The following NEK7 variants were observed in gnomAD, a reference collection of about 807,000 sequenced individuals.
The protein encoded by NEK7 is NIMA related kinase 7.
NEK7 carries 18 observed loss-of-function variants against 44.6 expected under a neutral mutation model. That is an observed-to-expected ratio of 0.40 (90% CI 0.28 to 0.60). The LOEUF is 0.60. NEK7 is among the 20% of genes least tolerant of loss of function. The pLI, the probability that NEK7 is intolerant of heterozygous loss-of-function variation, is 0.38. For missense variants in NEK7, 256 were observed against 366.5 expected (o/e 0.70, Z 2.46); for synonymous variants, 130 against 121.1 (o/e 1.07, Z -0.48).
At chr1:198,210,319 C>A (rs1367049805) in intron 1 of NEK7, among the ~76,000 whole-genome samples, 6 of 152,116 alleles carry the variant, frequency 3.9e-5, no homozygotes, top group Non-Finnish European at 7.4e-5. Context: ...CTCCTGGCCC[C>A]CCAAGTTTTC....
chr1:198,250,947 C>G (rs1172934723), intron 2 of NEK7, among the ~76,000 whole-genome samples: 1 of 152,138 alleles, frequency 6.6e-6, no homozygotes, highest in African/African-American at 2.4e-5. Context: ...GTGGGCATCC[C>G]TGTCTTGTGC....
intron 1 of NEK7, among the ~76,000 whole-genome samples, chr1:198,214,731 A>C (rs536084074): frequency 6.6e-6 from 1 of 152,202 alleles, no homozygotes; most frequent in Non-Finnish European, 1.5e-5. Flanking sequence ...AAGGAGAAGA[A>C]AAAACAAAGT....
chr1:198,287,501 G>A (rs1209070121), intron 7 of NEK7, among the ~76,000 whole-genome samples: 1 of 152,164 alleles, frequency 6.6e-6, no homozygotes, highest in African/African-American at 2.4e-5. Flanking sequence ...CTTTTTTGAA[G>A]AGATATTTTG....
At chr1:198,314,232 T>A (rs1237391727) in intron 9 of NEK7, among the ~76,000 whole-genome samples, 1 of 152,238 alleles carries the variant, frequency 6.6e-6, no homozygotes, top group Non-Finnish European at 1.5e-5. Context: ...CATTGGCTCC[T>A]GAGGCTTCTG....
At chr1:198,272,965 A>T (rs1653902139) in intron 5 of NEK7, among the ~76,000 whole-genome samples, 1 of 151,794 alleles carries the variant, frequency 6.6e-6, no homozygotes, top group South Asian at 2.1e-4. Flanking sequence ...GTAATTGCTC[A>T]TGAAAAATAT....
intron 1 of NEK7, among the ~76,000 whole-genome samples, chr1:198,157,713 A>G (rs1057119829): frequency 6.6e-6 from 1 of 152,174 alleles, no homozygotes. Flanking sequence ...CAGCAGCCCG[A>G]CTTAGGAAAG....
At position 198,293,924 on chromosome 1, in the gene NEK7, A is replaced by G. The variant is rs560412423; in HGVS notation, c.684+885A>G. 2.0e-5 allele frequency among the ~76,000 whole-genome samples: 3 copies of G among 152,034 alleles called. No homozygotes were observed. In the South Asian group the frequency reaches 6.2e-4, roughly 31 times the overall value. On this transcript the variant is annotated intron_variant, in intron 8 of 9. Transcript: ENST00000367385. ...AGTCTAAAGAGGATAAATAGAAACC[A>G]ATGCATTTCCTACTATATATATTTC...
At chr1:198,241,694 C>G (rs1666689080) in intron 2 of NEK7, among the ~76,000 whole-genome samples, 1 of 152,102 alleles carries the variant, frequency 6.6e-6, no homozygotes, top group Non-Finnish European at 1.5e-5. Context: ...AGTTCTTAGT[C>G]CCTCACTTCC....
chr1:198,200,525 C>T (rs1370579650), intron 1 of NEK7, among the ~76,000 whole-genome samples: 1 of 151,060 alleles, frequency 6.6e-6, no homozygotes, highest in Non-Finnish European at 1.5e-5. Flanking sequence ...CAGACCTCTG[C>T]TCTTTGTTGC....
intron 1 of NEK7, among the ~76,000 whole-genome samples, chr1:198,179,665 G>C (rs967693522): frequency 6.6e-6 from 1 of 152,118 alleles, no homozygotes; most frequent in African/African-American, 2.4e-5. Context: ...TCTTTCTGTG[G>C]TCTTGAGGAC....
intron 3 of NEK7, among the ~76,000 whole-genome samples, chr1:198,260,404 A>G (rs970741992): frequency 2.0e-5 from 3 of 150,776 alleles, no homozygotes; most frequent in African/African-American, 4.9e-5. Flanking sequence ...TTTGCCACTC[A>G]TAGTCCTTTC....
chr1:198,259,811 TCA>T (rs145517799), intron 3 of NEK7, among the ~76,000 whole-genome samples: 36 of 150,890 alleles, frequency 2.4e-4, no homozygotes, highest in Middle Eastern at 6.8e-3. Context: ...ACACACACAC[TCA>T]CACACACACA....
intron 8 of NEK7, among the ~76,000 whole-genome samples, chr1:198,293,289 T>C (rs553187515): frequency 2.0e-5 from 3 of 152,080 alleles, no homozygotes; most frequent in Admixed American, 1.3e-4. Flanking sequence ...TTTATGTTAA[T>C]ATAACGCCTT....
chr1:198,272,002 G>A (rs1054366381), intron 5 of NEK7, among the ~76,000 whole-genome samples: 3 of 149,216 alleles, frequency 2.0e-5, no homozygotes, highest in South Asian at 2.1e-4. Context: ...GTCTATATCT[G>A]TATAAATTTA....
Position 198,264,002 on chromosome 1 carries a change from T to C in NEK7, c.262-123T>C, listed in dbSNP as rs553988100. On this transcript the variant is annotated intron_variant, in intron 4 of 9. Transcript: ENST00000367385. The stretch of plus-strand genomic sequence containing the variant: ...CACAATTCACTAAAGAAAAGTATAC[T>C]GTCATGTTAAGATTTCTGTAATTTA... 3.4e-5 allele frequency: 32 copies of C among 941,174 alleles called. No individual in the cohort carries two copies. The Admixed American group carries it at 7.2e-4, about 21-fold the overall frequency. The allele number at this position is 941,174 out of a possible 1,614,324, so 58.3% of individuals were successfully genotyped here.
At chr1:198,258,859 A>T (rs1300849843) in intron 3 of NEK7, among the ~76,000 whole-genome samples, 2 of 152,212 alleles carry the variant, frequency 1.3e-5, no homozygotes, top group East Asian at 3.9e-4. Context: ...TACAAAGTCC[A>T]TATTTTCACC....
At chr1:198,187,479 A>G (rs934938380) in intron 1 of NEK7, among the ~76,000 whole-genome samples, 9 of 152,042 alleles carry the variant, frequency 5.9e-5, no homozygotes, top group Admixed American at 1.3e-4. Context: ...GAATTCAGAT[A>G]CTCCCGTGGC....
intron 1 of NEK7, among the ~76,000 whole-genome samples, chr1:198,225,064 C>T (rs993926708): frequency 3.3e-5 from 5 of 151,858 alleles, no homozygotes; most frequent in Non-Finnish European, 5.9e-5. Flanking sequence ...TGATCCTGGC[C>T]AGACATGGTG....
chr1:198,226,422 G>A (rs1297349549), intron 1 of NEK7, among the ~76,000 whole-genome samples: 2 of 151,776 alleles, frequency 1.3e-5, no homozygotes, highest in Non-Finnish European at 2.9e-5. Flanking sequence ...GCACACACCT[G>A]TAATCCTAGC....
Sources: gnomAD v4.1 joint callset for allele counts (sites outside exome capture counted in the v4.1 genomes callset) on GRCh38, gnomAD v4.1.1 for gene constraint, MANE v1.5 for transcripts, NCBI Gene and HGNC (gene_info 2026-07-23, HGNC 2026-07-21) for gene names.